ZFAND5: variants seen among roughly 807,000 people sequenced by gnomAD.
The protein encoded by ZFAND5 is zinc finger AN1-type containing 5.
Under a neutral mutation model 23.6 loss-of-function variants are expected in ZFAND5, and 4 were observed. The ratio of observed to expected loss-of-function variants is 0.17; its 90% CI spans 0.08 to 0.39. The LOEUF (loss-of-function observed/expected upper bound fraction) is 0.39, where lower values mean the gene tolerates loss of function less well. Among genes scored for constraint, ZFAND5 ranks in the 10% least tolerant of loss-of-function variants. ZFAND5 has a pLI of 1.00. For synonymous variants in ZFAND5, 68 were observed against 80.6 expected (o/e 0.84, Z 0.84); for missense variants, 161 against 253.7 (o/e 0.63, Z 2.48).
At chr9:72,359,555 G>GTTAA in intron 4 of ZFAND5, 34 bp from the exon 5 acceptor site, 1 of 1,585,626 alleles carries the variant, frequency 6.3e-7, no homozygotes, top group African/African-American at 1.3e-5. Flanking sequence ...TTTTAAAGGT[G>GTTAA]TTAAGGGTAC....
In ZFAND5 at chr9:72,352,721, C is replaced by CT. The variant is rs1384767546; in HGVS notation, c.*3231dup. 1.3e-5 allele frequency: 2 copies of CT among 152,042 alleles called. No individual in the cohort carries two copies. Among genetic ancestry groups the CT allele is most frequent in the Non-Finnish European group, 2.9e-5 (2 of 67,998 alleles). 9.4% of individuals were successfully genotyped at this position (152,042 alleles called of 1,614,324 possible). On this transcript the variant is annotated 3_prime_UTR_variant, in exon 7 of 7. Coordinates refer to ENST00000376962, the MANE Select transcript of ZFAND5 (RefSeq NM_001102420.3). ...ACTATACAACTTGATGTAACCAATC[C>CT]TGTTCTCAAAGTTTTCTTCCCAAGT...
At chr9:72,360,298 A>C (rs138159442) in intron 3 of ZFAND5, 77 bp from the exon 4 acceptor site, 2 of 1,238,838 alleles carry the variant, frequency 1.6e-6, no homozygotes, top group Non-Finnish European at 2.3e-6. Context: ...AGTAATAAAT[A>C]CTTGCATTTA....
intron 5 of ZFAND5, among the ~76,000 whole-genome samples, chr9:72,358,532 A>C (rs372434304): frequency 6.6e-6 from 1 of 152,150 alleles, no homozygotes; most frequent in African/African-American, 2.4e-5. Flanking sequence ...AACCAAAAAC[A>C]AAAACCCAAA....
In ZFAND5 at chr9:72,365,201, C is replaced by T. The variant is rs1842232140; in HGVS notation, c.-652G>A. 6.6e-6 allele frequency: 1 copy of T among 152,174 alleles called. No homozygotes were observed. Among genetic ancestry groups the T allele is most frequent in the Non-Finnish European group, 1.5e-5 (1 of 68,044 alleles). 9.4% of individuals were successfully genotyped at this position (152,174 alleles called of 1,614,324 possible). On this transcript the variant is annotated 5_prime_UTR_variant, in exon 1 of 7. Coordinates refer to ENST00000376962, the MANE Select transcript of ZFAND5 (RefSeq NM_001102420.3). Reference sequence around the variant, plus strand: ...GATGCACACAGCTCCGCGTCCCGGCCGACTAACGCACTCGCCGCCCGGCGC... The same window carrying T: ...GATGCACACAGCTCCGCGTCCCGGCTGACTAACGCACTCGCCGCCCGGCGC...
chr9:72,358,187 CTGGGAGA>C (rs1841998583), intron 5 of ZFAND5, among the ~76,000 whole-genome samples: 1 of 152,066 alleles, frequency 6.6e-6, no homozygotes, highest in African/African-American at 2.4e-5. Flanking sequence ...AATGAATCTA[CTGGGAGA>C]AATAGCCTAA....
Position 72,364,737 on chromosome 9 carries a change from G to C in ZFAND5, c.-188C>G. The C allele has an allele frequency of 1.4e-6, 1 of 693,848 alleles. No homozygotes were observed. Among genetic ancestry groups the C allele is most frequent in the Non-Finnish European group, 1.9e-6 (1 of 536,320 alleles). The allele number at this position is 693,848 out of a possible 1,614,324, so 43.0% of individuals were successfully genotyped here. A position where few individuals can be genotyped will look rare whatever the true frequency, so the allele number is the denominator to read the frequency against. The stretch of plus-strand genomic sequence containing the variant: ...TGCGAAAGCCGGGTTCGCGCGCGAA[G>C]CCGGCACGATGAGGCCGGGCCGAGG... On this transcript the variant is annotated 5_prime_UTR_variant, in exon 1 of 7. Transcript: ENST00000376962.
Position 72,364,708 on chromosome 9 carries a change from C to T in ZFAND5, c.-159G>A, listed in dbSNP as rs1842214337. 1.2e-5 allele frequency: 11 copies of T among 891,824 alleles called. No homozygotes were observed. The highest frequency in any genetic ancestry group is 1.5e-5 in the Non-Finnish European group (11 of 711,602). The allele number at this position is 891,824 out of a possible 1,614,324, so 55.2% of individuals were successfully genotyped here. A position where few individuals can be genotyped will look rare whatever the true frequency, so the allele number is the denominator to read the frequency against. On this transcript the variant is annotated 5_prime_UTR_variant, in exon 1 of 7. Coordinates refer to ENST00000376962, the MANE Select transcript of ZFAND5 (RefSeq NM_001102420.3). Reference sequence around the variant, plus strand: ...CCGTATCACTCACCCTGCAGGGTCCCAAATGCGAAAGCCGGGTTCGCGCGC... The same window carrying T: ...CCGTATCACTCACCCTGCAGGGTCCTAAATGCGAAAGCCGGGTTCGCGCGC...
chr9:72,358,193 G>A (rs1262089841), intron 5 of ZFAND5, among the ~76,000 whole-genome samples: 2 of 152,104 alleles, frequency 1.3e-5, no homozygotes, highest in East Asian at 3.8e-4. Context: ...TCTACTGGGA[G>A]AAATAGCCTA....
intron 5 of ZFAND5, among the ~76,000 whole-genome samples, chr9:72,357,812 C>T (rs117505995): frequency 1.3e-4 from 20 of 152,158 alleles, no homozygotes; most frequent in African/African-American, 3.1e-4. Context: ...ACAGTCCCAC[C>T]GTTTCTCCAC....
rs905627437 is a variant in ZFAND5 at position 72,354,097 on chromosome 9, A to G, written c.*1856T>C. 1.3e-5 allele frequency: 2 copies of G among 152,216 alleles called. No individual in the cohort carries two copies. Among genetic ancestry groups the G allele is most frequent in the Admixed American group, 6.5e-5 (1 of 15,280 alleles). The allele number at this position is 152,216 out of a possible 1,614,324, so 9.4% of individuals were successfully genotyped here. A position where few individuals can be genotyped will look rare whatever the true frequency, so the allele number is the denominator to read the frequency against. The stretch of plus-strand genomic sequence containing the variant: ...AATCTCTGTATTAGAGCCAAACCCA[A>G]AACAGAAATAAAACAGAACTCTTTT... On this transcript the variant is annotated 3_prime_UTR_variant, in exon 7 of 7. Coordinates refer to ENST00000376962, the MANE Select transcript of ZFAND5 (RefSeq NM_001102420.3).
At chr9:72,356,216 AGT>A (rs1345128955) in intron 6 of ZFAND5, 115 bp from the exon 7 acceptor site, 3 of 1,278,498 alleles carry the variant, frequency 2.3e-6, no homozygotes, top group Non-Finnish European at 3.2e-6. Flanking sequence ...CATAAAAGAC[AGT>A]GAACTCTTTT....
chr9:72,356,368 G>A (rs916798421), intron 6 of ZFAND5, among the ~76,000 whole-genome samples: 7 of 152,260 alleles, frequency 4.6e-5, no homozygotes, highest in Middle Eastern at 3.4e-3. Flanking sequence ...GGGCAATAGC[G>A]AAGTGTTTGG....
At chr9:72,359,803 G>C (rs1265695382) in intron 4 of ZFAND5, among the ~76,000 whole-genome samples, 1 of 152,124 alleles carries the variant, frequency 6.6e-6, no homozygotes. Context: ...AAGGGCAAAA[G>C]GGCAGCTCTG....
intron 5 of ZFAND5, 57 bp from the exon 6 acceptor site, chr9:72,357,113 C>CA: frequency 6.4e-7 from 1 of 1,572,262 alleles, no homozygotes; most frequent in Non-Finnish European, 8.6e-7. Context: ...ATTTTTAAGT[C>CA]AAAAAAGGAA....
In ZFAND5 at chr9:72,360,844, T is replaced by C. The variant is rs924619627; in HGVS notation, c.-9-57A>G. On this transcript the variant is annotated intron_variant, in intron 2 of 6. Transcript: ENST00000376962. ...GTTATCACCAAAATATAGTCTAATATAATCATCGGTATACCGTTGTAATTG... is the reference window on the plus strand; with the variant it reads ...GTTATCACCAAAATATAGTCTAATACAATCATCGGTATACCGTTGTAATTG... 3 of 1,494,638 alleles carry C rather than the reference T, an allele frequency of 2.0e-6. No individual in the cohort carries two copies. The African/African-American group carries it at 4.2e-5, about 21-fold the overall frequency. The allele number at this position is 1,494,638 out of a possible 1,614,324, so 92.6% of individuals were successfully genotyped here.
rs763645285 is a variant in ZFAND5 at position 72,355,909 on chromosome 9, T to C, written c.*44A>G. 1.2e-5 allele frequency: 19 copies of C among 1,561,728 alleles called. No individual in the cohort carries two copies. The highest frequency in any genetic ancestry group is 6.8e-5 in the East Asian group (3 of 44,436). ...TGCTCTTTAATGTTTTCCTACGATA[T>C]ATTAAAATAAAAACAAAGTTTCAGT... On this transcript the variant is annotated 3_prime_UTR_variant, in exon 7 of 7. Transcript: ENST00000376962.
At chr9:72,360,497 C>T in intron 3 of ZFAND5, 131 bp downstream of exon 3, 1 of 1,213,836 alleles carries the variant, frequency 8.2e-7, no homozygotes, top group Non-Finnish European at 1.2e-6. Flanking sequence ...AGCACTTGGG[C>T]TGTTGCTTGA....
chr9:72,354,640 G>A lies in ZFAND5; in HGVS notation c.*1313C>T, dbSNP rs535182699. 2 of 152,642 alleles carry A rather than the reference G, an allele frequency of 1.3e-5. No individual in the cohort carries two copies. The highest frequency in any genetic ancestry group is 4.1e-4 in the South Asian group (2 of 4,820). 9.5% of individuals were successfully genotyped at this position (152,642 alleles called of 1,614,324 possible). A position where few individuals can be genotyped will look rare whatever the true frequency, so the allele number is the denominator to read the frequency against. On this transcript the variant is annotated 3_prime_UTR_variant, in exon 7 of 7. Coordinates refer to ENST00000376962, the MANE Select transcript of ZFAND5 (RefSeq NM_001102420.3). The stretch of plus-strand genomic sequence containing the variant: ...CTTTAAGAATAAAAGTAAAAACTAG[G>A]ACTGAACATTGCAATAAATCAGAAG...
At chr9:72,356,244 G>A (rs1587869519) in intron 6 of ZFAND5, 143 bp from the exon 7 acceptor site, 1 of 1,026,096 alleles carries the variant, frequency 9.7e-7, no homozygotes, top group East Asian at 2.7e-5. Flanking sequence ...ACTTCCTGGT[G>A]ATAAGACACA....
Sources: gnomAD v4.1 joint callset for allele counts (sites outside exome capture counted in the v4.1 genomes callset) on GRCh38, gnomAD v4.1.1 for gene constraint, MANE v1.5 for transcripts, NCBI Gene and HGNC (gene_info 2026-07-23, HGNC 2026-07-21) for gene names.